Variants in PARP6 observed in about 807,000 individuals in gnomAD.
PARP6 encodes the protein protein mono-ADP-ribosyltransferase PARP6.
PARP6 carries 27 observed loss-of-function variants against 92.0 expected under a neutral mutation model. The ratio of observed to expected loss-of-function variants is 0.29; its 90% CI spans 0.22 to 0.40. PARP6 has a LOEUF of 0.40. PARP6 is among the 10% of genes least tolerant of loss of function. The pLI is 1.00. For missense variants in PARP6, 501 were observed against 784.5 expected (o/e 0.64, Z 4.32); for synonymous variants, 272 against 281.2 (o/e 0.97, Z 0.33).
At chr15:72,255,444 G>A (rs1306884910) in intron 14 of PARP6, among the ~76,000 whole-genome samples, 1 of 152,060 alleles carries the variant, frequency 6.6e-6, no homozygotes, top group African/African-American at 2.4e-5. Flanking sequence ...AGTAGAGACA[G>A]GGTTTCACCA....
intron 15 of PARP6, chr15:72,253,761 C>A: frequency 1.6e-6 from 1 of 639,164 alleles, no homozygotes; most frequent in South Asian, 1.5e-5. Flanking sequence ...ATTCCTACAG[C>A]CCTAAAAAGT....
rs1298357276 is a variant in PARP6, at chr15:72,242,420, A to G, written c.1641+200T>C. ...AGCTTCCATCTTTACATTTTCATCT[A>G]AACTCAGCCTCTGCTTTTATACTCA... is the stretch of plus-strand genomic sequence containing the variant. On this transcript the variant is annotated intron_variant, in intron 21 of 23. Coordinates refer to ENST00000569795, the MANE Select transcript of PARP6 (RefSeq NM_001323532.2). The surrounding 1 kb of genome is among the most constrained non-coding windows in gnomAD (Gnocchi z 4.3). 6.6e-6 allele frequency among the ~76,000 whole-genome samples: 1 copy of G among 152,154 alleles called. No individual in the cohort carries two copies. The highest frequency in any genetic ancestry group is 1.5e-5 in the Non-Finnish European group (1 of 68,034).
rs1037691738 is a variant in PARP6 at position 72,241,278 on chromosome 15, G to T, written c.*177C>A. On this transcript the variant is annotated 3_prime_UTR_variant, in exon 24 of 24. Coordinates refer to ENST00000569795, the MANE Select transcript of PARP6 (RefSeq NM_001323532.2). The surrounding 1 kb of genome is among the most constrained non-coding windows in gnomAD (Gnocchi z 4.1). ...TGGAGTCAGTCTGGGCCATCCGAAT[G>T]TGGAGTAGTTCTTGGGTCAAGCTCT... 14 of 695,310 alleles carry T rather than the reference G, an allele frequency of 2.0e-5. No homozygotes were observed. The African/African-American group carries it at 2.5e-4, about 12-fold the overall frequency. 43.1% of individuals were successfully genotyped at this position (695,310 alleles called of 1,614,324 possible).
intron 20 of PARP6, chr15:72,245,224 G>T (rs907104482): frequency 6.6e-6 from 1 of 152,252 alleles, no homozygotes; most frequent in Non-Finnish European, 1.5e-5. Flanking sequence ...TCAGCTGGGC[G>T]TGGTGGTGGG....
intron 20 of PARP6, among the ~76,000 whole-genome samples, chr15:72,247,183 TTTC>T (rs1427531408): frequency 6.6e-6 from 1 of 152,210 alleles, no homozygotes; most frequent in African/African-American, 2.4e-5. Flanking sequence ...TTAAATTTTT[TTTC>T]TTTTTTGAGA....
Position 72,264,579 on chromosome 15 carries a change from A to G in PARP6, c.371T>C (p.Phe124Ser). The G allele has an allele frequency of 6.2e-7, 1 of 1,614,064 alleles. No homozygotes were observed. The highest frequency in any genetic ancestry group is 2.2e-5 in the East Asian group (1 of 44,870). ...EVFQPSNKEG[F>S]GLGLQLKKIL... The stretch of plus-strand genomic sequence containing the variant: ...CTTTTTCAACTGAAGACCCAGCCCA[A>G]ATCCTTCCTTATTTGATGGCTGGAA... The change falls in exon 8 of 24, where the codon TTT becomes TCT. Residue 124 changes from phenylalanine (F) to serine (S), a missense_variant. By Grantham distance (155) the Phe-to-Ser change is radical. Coordinates refer to ENST00000569795, the MANE Select transcript of PARP6 (RefSeq NM_001323532.2).
At chr15:72,264,963 A>G in intron 7 of PARP6, 118 bp downstream of exon 7, 3 of 686,260 alleles carry the variant, frequency 4.4e-6, no homozygotes, top group Non-Finnish European at 5.2e-6. Context: ...GCCCCTACCA[A>G]TAGCCTGCAG....
intron 8 of PARP6, among the ~76,000 whole-genome samples, chr15:72,264,198 C>G (rs1002100090): frequency 2.0e-5 from 3 of 152,120 alleles, no homozygotes; most frequent in Non-Finnish European, 2.9e-5. Flanking sequence ...TACCAAATAC[C>G]TAGCTTAATG....
At chr15:72,257,744 C>T (rs2085318851) in intron 12 of PARP6, among the ~76,000 whole-genome samples, 1 of 152,164 alleles carries the variant, frequency 6.6e-6, no homozygotes, top group Non-Finnish European at 1.5e-5. Context: ...TTGTCTGTCT[C>T]CCATCTGGAC....
At chr15:72,262,723 T>C (rs1447102475) in intron 8 of PARP6, among the ~76,000 whole-genome samples, 2 of 152,192 alleles carry the variant, frequency 1.3e-5, no homozygotes, top group Non-Finnish European at 2.9e-5. Context: ...TCTCTTATCT[T>C]CTCTGGCATC....
At chr15:72,267,351 C>G (rs1167348439) in intron 3 of PARP6, 124 bp downstream of exon 3, 4 of 1,071,668 alleles carry the variant, frequency 3.7e-6, no homozygotes, top group Non-Finnish European at 4.3e-6. Flanking sequence ...TTTCCTTTAA[C>G]TTCAAATAGC....
At position 72,241,300 on chromosome 15, in the gene PARP6, C is replaced by T. The variant is rs1221279632; in HGVS notation, c.*155G>A. 1.4e-6 allele frequency: 1 copy of T among 704,442 alleles called. No individual in the cohort carries two copies. The allele number at this position is 704,442 out of a possible 1,614,324, so 43.6% of individuals were successfully genotyped here. A position where few individuals can be genotyped will look rare whatever the true frequency, so the allele number is the denominator to read the frequency against. On this transcript the variant is annotated 3_prime_UTR_variant, in exon 24 of 24. Coordinates refer to ENST00000569795, the MANE Select transcript of PARP6 (RefSeq NM_001323532.2). The surrounding 1 kb of genome is among the most constrained non-coding windows in gnomAD (Gnocchi z 4.1). ...AATGTGGAGTAGTTCTTGGGTCAAGCTCTACCATGAAGGCCACCTCTTACA... is the reference window on the plus strand; with the variant it reads ...AATGTGGAGTAGTTCTTGGGTCAAGTTCTACCATGAAGGCCACCTCTTACA...
Position 72,270,372 on chromosome 15 carries a change from C to T in PARP6, c.-195+651G>A, listed in dbSNP as rs547880049. Among the ~76,000 whole-genome samples the T allele has an allele frequency of 4.6e-5, 7 of 152,196 alleles. 1 individual carries two copies. The South Asian group carries it at 8.3e-4, about 18-fold the overall frequency. On this transcript the variant is annotated intron_variant, in intron 2 of 23. Coordinates refer to ENST00000569795, the MANE Select transcript of PARP6 (RefSeq NM_001323532.2). Reference sequence around the variant, plus strand: ...GTACATGATGGTTTTCTGGTAATCCCTACCTCCCTACTTTTGTGTAAAGTT... The same window carrying T: ...GTACATGATGGTTTTCTGGTAATCCTTACCTCCCTACTTTTGTGTAAAGTT...
intron 7 of PARP6, 141 bp from the exon 8 acceptor site, chr15:72,264,762 A>G: frequency 1.5e-6 from 1 of 652,292 alleles, no homozygotes; most frequent in East Asian, 2.7e-5. Context: ...GAAAAAAAAC[A>G]TCTGAGGGAG....
Position 72,250,001 on chromosome 15 carries a change from G to GA in PARP6, c.1491+18dup. On this transcript the variant is annotated intron_variant, in intron 19 of 23. Coordinates refer to ENST00000569795, the MANE Select transcript of PARP6 (RefSeq NM_001323532.2). ...GAAGGGAGCGGTTAGAAATAAAGGA[G>GA]AAAGGGGCACAGCCTCACCTGCAGT... The GA allele has an allele frequency of 6.5e-7, 1 of 1,536,282 alleles. No homozygotes were observed. The highest frequency in any genetic ancestry group is 9.0e-7 in the Non-Finnish European group (1 of 1,108,764).
chr15:72,241,685 T>C lies in PARP6; in HGVS notation c.1791-128A>G. ...GTCAAAGCCCTTTCTCACTGCTTCA[T>C]AGTGGAAGATATTCAGCTTATCTGG... On this transcript the variant is annotated intron_variant, in intron 23 of 23. Transcript: ENST00000569795. The surrounding 1 kb of genome is among the most constrained non-coding windows in gnomAD (Gnocchi z 4.1). 1.3e-6 allele frequency: 1 copy of C among 786,756 alleles called. No individual in the cohort carries two copies. The highest frequency in any genetic ancestry group is 2.1e-6 in the Non-Finnish European group (1 of 470,234). 48.7% of individuals were successfully genotyped at this position (786,756 alleles called of 1,614,324 possible). A position where few individuals can be genotyped will look rare whatever the true frequency, so the allele number is the denominator to read the frequency against.
intron 9 of PARP6, 137 bp from the exon 10 acceptor site, chr15:72,260,825 T>A: frequency 1.4e-6 from 1 of 700,928 alleles, no homozygotes; most frequent in Non-Finnish European, 2.6e-6. Flanking sequence ...AAAGTTGCAT[T>A]GTATCTTAAA....
Position 72,256,466 on chromosome 15 carries a change from T to C in PARP6, c.1124A>G (p.Lys375Arg). 6.4e-7 allele frequency: 1 copy of C among 1,555,084 alleles called. No individual in the cohort carries two copies. The highest frequency in any genetic ancestry group is 8.6e-7 in the Non-Finnish European group (1 of 1,156,980). The stretch of plus-strand genomic sequence containing the variant: ...CCCTGACTTTCTCAAGTAACATACC[T>C]TAGGGTTAAAGGCCAGAGTCTTGGG... ...TDPKTLAFNP[K>R]KKNYERLQKA... is the part of the protein sequence containing the mutation. The change falls in exon 14 of 24, where the codon AAG (lysine) becomes AGG (arginine). Residue 375 changes from lysine (K) to arginine (R), a missense_variant and splice_region_variant. Around this residue, in one of 4 missense-constraint regions of PARP6, gnomAD observed 191 missense variants for 399.1 expected, o/e 0.48. Coordinates refer to ENST00000569795, the MANE Select transcript of PARP6 (RefSeq NM_001323532.2).
chr15:72,242,329 C>T lies in PARP6; in HGVS notation c.1642-109G>A. On this transcript the variant is annotated intron_variant, in intron 21 of 23. Coordinates refer to ENST00000569795, the MANE Select transcript of PARP6 (RefSeq NM_001323532.2). The surrounding 1 kb of genome is among the most constrained non-coding windows in gnomAD (Gnocchi z 4.3). ...GAGTGGGGATCAGAGATATCCTGGG[C>T]TCCCAGCAACACCCCTCGCCGCCCA... 10 of 852,222 alleles carry T rather than the reference C, an allele frequency of 1.2e-5. No individual in the cohort carries two copies. Among genetic ancestry groups the T allele is most frequent in the Admixed American group, 2.0e-5 (1 of 49,498 alleles). The allele number at this position is 852,222 out of a possible 1,614,324, so 52.8% of individuals were successfully genotyped here.
Sources: gnomAD v4.1 joint callset for allele counts (sites outside exome capture counted in the v4.1 genomes callset) on GRCh38, gnomAD v4.1.1 for gene constraint, gnomAD v4.1.1 regional missense constraint, Gnocchi (gnomAD v3.1) non-coding constraint, MANE v1.5 for transcripts, NCBI Gene and HGNC (gene_info 2026-07-23, HGNC 2026-07-21) for gene names.